The following ZMYND12 variants were observed in gnomAD, a reference collection of about 807,000 sequenced individuals.
The protein encoded by ZMYND12 is zinc finger MYND-type containing 12.
A neutral mutation model predicts 41.7 loss-of-function variants in ZMYND12; 32 were observed. The observed-to-expected ratio is 0.77, with a 90% CI of 0.58 to 1.03. The LOEUF is 1.03. Among genes scored for constraint, ZMYND12 ranks in the 50% least tolerant of loss-of-function variants. ZMYND12 has a pLI of 0.00. For missense variants in ZMYND12, 424 were observed against 438.5 expected, an observed-to-expected ratio of 0.97 and a Z score of 0.30; for synonymous variants, 148 against 164.8, an observed-to-expected ratio of 0.90 and a Z score of 0.78.
At chr1:42,453,937 C>T (rs755443904) in intron 1 of ZMYND12, among the ~76,000 whole-genome samples, 12 of 152,022 alleles carry the variant, frequency 7.9e-5, no homozygotes, top group Non-Finnish European at 1.6e-4. Context: ...ATCAGACAAG[C>T]AAACACAATA....
intron 3 of ZMYND12, among the ~76,000 whole-genome samples, chr1:42,447,906 G>C (rs1255475423): frequency 6.6e-6 from 1 of 152,086 alleles, no homozygotes. Flanking sequence ...TCTGATCCCA[G>C]GGAATAAAGG....
At chr1:42,443,182 G>T (rs1642987958) in intron 3 of ZMYND12, among the ~76,000 whole-genome samples, 1 of 152,192 alleles carries the variant, frequency 6.6e-6, no homozygotes, top group South Asian at 2.1e-4. Flanking sequence ...AGGCATACTT[G>T]GGAGAATAAA....
At chr1:42,451,419 CTG>C (rs1643082054) in intron 1 of ZMYND12, among the ~76,000 whole-genome samples, 1 of 152,120 alleles carries the variant, frequency 6.6e-6, no homozygotes, top group Non-Finnish European at 1.5e-5. Flanking sequence ...TGTAAGTTAA[CTG>C]TTTGATTCCA....
intron 3 of ZMYND12, among the ~76,000 whole-genome samples, chr1:42,445,137 TA>T (rs1407146349): frequency 6.7e-6 from 1 of 149,074 alleles, no homozygotes; most frequent in Non-Finnish European, 1.5e-5. Context: ...ACAAGTATAT[TA>T]AAAATGAGAC....
intron 6 of ZMYND12, among the ~76,000 whole-genome samples, chr1:42,433,708 C>G (rs1434024713): frequency 1.3e-5 from 2 of 152,196 alleles, no homozygotes; most frequent in Non-Finnish European, 2.9e-5. Flanking sequence ...GAAGGGACTT[C>G]TTGCAGCTGC....
intron 6 of ZMYND12, among the ~76,000 whole-genome samples, chr1:42,435,055 C>A (rs897513881): frequency 6.6e-6 from 1 of 152,036 alleles, no homozygotes; most frequent in Admixed American, 6.6e-5. Context: ...CCCTTAGTAA[C>A]CCCCGAATGG....
chr1:42,439,821 G>A, intron 4 of ZMYND12, 35 bp downstream of exon 4: 4 of 1,539,504 alleles, frequency 2.6e-6, no homozygotes, highest in East Asian at 2.3e-5. Flanking sequence ...TTTAGATTTT[G>A]GAAATATACA....
chr1:42,435,594 G>A (rs1642897832), intron 5 of ZMYND12: 1 of 489,094 alleles, frequency 2.0e-6, no homozygotes, highest in African/African-American at 1.9e-5. Flanking sequence ...AGGGCCTGTG[G>A]CAGCTCATCT....
At chr1:42,454,766 C>T (rs1057282159) in intron 1 of ZMYND12, among the ~76,000 whole-genome samples, 5 of 150,834 alleles carry the variant, frequency 3.3e-5, no homozygotes, top group Non-Finnish European at 7.4e-5. Flanking sequence ...TGCAATGGAG[C>T]GATCTCGGCT....
At chr1:42,448,363 T>TA in intron 3 of ZMYND12, 104 bp downstream of exon 3, 1 of 1,309,326 alleles carries the variant, frequency 7.6e-7, no homozygotes. Context: ...CCTTCTACAA[T>TA]AGGTCTCTTG....
intron 3 of ZMYND12, among the ~76,000 whole-genome samples, chr1:42,442,057 G>A (rs191481528): frequency 1.6e-4 from 25 of 152,226 alleles, no homozygotes; most frequent in Admixed American, 1.4e-3. Flanking sequence ...TGATGCTGGA[G>A]CACAAATTGT....
At chr1:42,439,139 A>G (rs1244950686) in intron 4 of ZMYND12, among the ~76,000 whole-genome samples, 1 of 152,214 alleles carries the variant, frequency 6.6e-6, no homozygotes, top group African/African-American at 2.4e-5. Context: ...AATCTTCGCA[A>G]TGACCCAGTG....
chr1:42,451,167 GAT>G (rs1374972412), intron 1 of ZMYND12, among the ~76,000 whole-genome samples: 15 of 152,148 alleles, frequency 9.9e-5, no homozygotes, highest in Non-Finnish European at 1.9e-4. Flanking sequence ...CTGAAAGTGG[GAT>G]ATTTGATCTT....
intron 1 of ZMYND12, among the ~76,000 whole-genome samples, chr1:42,455,342 C>T (rs1383806685): frequency 6.6e-6 from 1 of 152,100 alleles, no homozygotes; most frequent in African/African-American, 2.4e-5. Flanking sequence ...GCGCGATCTC[C>T]GCTCACTGCG....
intron 1 of ZMYND12, among the ~76,000 whole-genome samples, chr1:42,452,792 G>A (rs1017423513): frequency 6.6e-6 from 1 of 152,080 alleles, no homozygotes; most frequent in African/African-American, 2.4e-5. Context: ...ATCCACTATA[G>A]AGCAATATGC....
chr1:42,451,158 TGA>T (rs936767498), intron 1 of ZMYND12, among the ~76,000 whole-genome samples: 1 of 152,246 alleles, frequency 6.6e-6, no homozygotes, highest in African/African-American at 2.4e-5. Flanking sequence ...TATGCATTAC[TGA>T]AAGTGGGATA....
intron 1 of ZMYND12, among the ~76,000 whole-genome samples, chr1:42,452,482 C>T (rs1171835628): frequency 1.3e-5 from 2 of 152,138 alleles, no homozygotes; most frequent in Non-Finnish European, 2.9e-5. Flanking sequence ...GAGGGCGGAT[C>T]ACAAGGTCAG....
intron 6 of ZMYND12, among the ~76,000 whole-genome samples, chr1:42,434,613 C>T (rs1205851438): frequency 6.6e-6 from 1 of 151,842 alleles, no homozygotes; most frequent in Non-Finnish European, 1.5e-5. Context: ...ATCAGATTCT[C>T]TTAGGAGCGT....
At position 42,446,187 on chromosome 1, in the gene ZMYND12, G is replaced by A. The variant is rs72950558; in HGVS notation, c.424+2280C>T. ...GGTGGAAAGGACGGAGTTAGAGAGC[G>A]GGGATTGATTCATACAGGGGAACTC... On this transcript the variant is annotated intron_variant, in intron 3 of 7. Transcript: ENST00000372565. Among the ~76,000 whole-genome samples, 1,187 of 152,250 alleles carry A rather than the reference G, an allele frequency of 7.8e-3. 11 individuals carry two copies. The highest frequency in any genetic ancestry group is 0.026 in the African/African-American group (1,072 of 41,546).
Sources: gnomAD v4.1 joint callset for allele counts (sites outside exome capture counted in the v4.1 genomes callset) on GRCh38, gnomAD v4.1.1 for gene constraint, MANE v1.5 for transcripts, NCBI Gene and HGNC (gene_info 2026-07-23, HGNC 2026-07-21) for gene names.